The following ANXA8 variants were observed in gnomAD, a reference collection of about 807,000 sequenced individuals.
ANXA8 encodes the protein annexin A8.
A neutral mutation model predicts 26.8 loss-of-function variants in ANXA8; 9 were observed. The observed-to-expected ratio is 0.34, with a 90% CI of 0.20 to 0.59. The LOEUF (loss-of-function observed/expected upper bound fraction) is 0.59. ANXA8 is among the 20% of genes least tolerant of loss of function. ANXA8 has a pLI of 0.84. For missense variants in ANXA8, 83 were observed against 238.5 expected, an observed-to-expected ratio of 0.35 and a Z score of 4.29; for synonymous variants, 39 against 94.8, an observed-to-expected ratio of 0.41 and a Z score of 3.42.
chr10:47,940,369 C>G, the ANXA8 span, among the ~76,000 whole-genome samples: 9 of 146,650 alleles, frequency 6.1e-5, no homozygotes, highest in African/African-American at 2.1e-4. Flanking sequence ...TAGCCTCCAA[C>G]AGGGGACCAG....
the ANXA8 span, among the ~76,000 whole-genome samples, chr10:47,977,449 G>T: frequency 6.6e-6 from 1 of 150,964 alleles, no homozygotes; most frequent in East Asian, 1.9e-4. Flanking sequence ...CAGGGAAAAA[G>T]CTGCCATTAG....
chr10:47,631,238 CAT>C, the ANXA8 span, among the ~76,000 whole-genome samples: 1 of 151,190 alleles, frequency 6.6e-6, no homozygotes, highest in Non-Finnish European at 1.5e-5. Context: ...AAAGGTAGAA[CAT>C]GTAATTATAA....
At chr10:47,502,970 G>T in the ANXA8 span, 1 of 1,571,790 alleles carries the variant, frequency 6.4e-7, no homozygotes, top group Non-Finnish European at 8.6e-7. Context: ...TTGAGCTTGG[G>T]GCTGGTGGTG....
At chr10:47,733,203 TTCTTTC>T in the ANXA8 span, among the ~76,000 whole-genome samples, 16 of 107,778 alleles carry the variant, frequency 1.5e-4, no homozygotes, top group African/African-American at 3.9e-4. Flanking sequence ...CTTTCTTTCT[TTCTTTC>T]TTTCTTTCTT....
At chr10:47,590,183 G>A in the ANXA8 span, 8 of 146,764 alleles carry the variant, frequency 5.5e-5, no homozygotes, top group Admixed American at 1.3e-4. Context: ...ATACACCCAT[G>A]TTCCACCACC....
At chr10:47,667,348 T>C in the ANXA8 span, among the ~76,000 whole-genome samples, 8 of 151,996 alleles carry the variant, frequency 5.3e-5, no homozygotes, top group Non-Finnish European at 1.0e-4. Flanking sequence ...AAAATCATTC[T>C]GGAAGTTTAT....
At chr10:47,974,876 G>A in the ANXA8 span, among the ~76,000 whole-genome samples, 5 of 149,652 alleles carry the variant, frequency 3.3e-5, 1 homozygote, top group Non-Finnish European at 6.0e-5. Context: ...TTCTGTGGTT[G>A]TTGGGTGGAG....
chr10:47,948,916 G>T, the ANXA8 span, among the ~76,000 whole-genome samples: 3 of 150,264 alleles, frequency 2.0e-5, no homozygotes, highest in South Asian at 4.2e-4. Flanking sequence ...CTGCAAGTAA[G>T]AGAGAATTTC....
At chr10:47,587,004 A>T in the ANXA8 span, among the ~76,000 whole-genome samples, 1 of 146,286 alleles carries the variant, frequency 6.8e-6, no homozygotes, top group Non-Finnish European at 1.5e-5. Flanking sequence ...CAAGAGATCA[A>T]GACCATCCTG....
chr10:47,743,349 T>TAC, the ANXA8 span, among the ~76,000 whole-genome samples: 1 of 80,256 alleles, frequency 1.2e-5, no homozygotes, highest in African/African-American at 4.1e-5. Context: ...TACATATATA[T>TAC]ATATACACAT....
At chr10:47,666,751 C>G in the ANXA8 span, among the ~76,000 whole-genome samples, 1 of 151,878 alleles carries the variant, frequency 6.6e-6, no homozygotes, top group Non-Finnish European at 1.5e-5. Flanking sequence ...TTTAATGAGT[C>G]AAGTGGTCTT....
At chr10:47,663,899 ATTAATCTTTATTCCT>A in the ANXA8 span, among the ~76,000 whole-genome samples, 8 of 147,886 alleles carry the variant, frequency 5.4e-5, no homozygotes, top group South Asian at 1.2e-3. Flanking sequence ...TCTAGGATAA[ATTAATCTTTATTCCT>A]TTAATCTTTA....
At chr10:47,655,534 C>A in the ANXA8 span, among the ~76,000 whole-genome samples, 1 of 151,172 alleles carries the variant, frequency 6.6e-6, no homozygotes, top group South Asian at 2.1e-4. Flanking sequence ...GAATAGGGAA[C>A]AAATGAAACC....
At chr10:47,960,649 G>T in the ANXA8 span, among the ~76,000 whole-genome samples, 2 of 149,232 alleles carry the variant, frequency 1.3e-5, no homozygotes, top group African/African-American at 5.1e-5. Flanking sequence ...TATATGGTTC[G>T]ATTAATCTTT....
At chr10:47,485,797 C>T (rs1320769915), upstream of ANXA8, among the ~76,000 whole-genome samples, 796 of 151,996 alleles carry the variant, frequency 5.2e-3, 4 homozygotes, top group Admixed American at 0.011. Flanking sequence ...AACACTTAGG[C>T]CTGACATCAG....
chr10:47,595,599 C>T, the ANXA8 span, among the ~76,000 whole-genome samples: 2 of 149,226 alleles, frequency 1.3e-5, no homozygotes, highest in African/African-American at 5.1e-5. Flanking sequence ...CATAAAAGAG[C>T]AGGAGTTTCT....
the ANXA8 span, among the ~76,000 whole-genome samples, chr10:47,892,229 A>G: frequency 1.4e-5 from 1 of 70,546 alleles, no homozygotes; most frequent in East Asian, 3.2e-4. Context: ...ATAAATGTAT[A>G]GGGTTTTCAT....
chr10:47,973,647 T>C, the ANXA8 span, among the ~76,000 whole-genome samples: 4 of 150,882 alleles, frequency 2.7e-5, no homozygotes, highest in Non-Finnish European at 5.9e-5. Flanking sequence ...AGGCATTTCA[T>C]TACTTCAGAT....
At chr10:47,664,570 A>AAATAAT in the ANXA8 span, among the ~76,000 whole-genome samples, 8,495 of 137,560 alleles carry the variant, frequency 0.062, 566 homozygotes, top group African/African-American at 0.21. Flanking sequence ...CTCTGTCTCA[A>AAATAAT]AATAATAATA....
Sources: allele counts gnomAD v4.1 joint callset (sites outside exome capture counted in the v4.1 genomes callset), GRCh38; gene constraint gnomAD v4.1.1; transcripts MANE v1.5; gene names NCBI Gene and HGNC (gene_info 2026-07-23, HGNC 2026-07-21).